REDIC1: variants seen among roughly 807,000 people sequenced by gnomAD.
REDIC1 encodes HEI10 Interacting Protein 1.
At chr12:39,722,744 A>T in the REDIC1 span, among the ~76,000 whole-genome samples, 2 of 152,286 alleles carry the variant, frequency 1.3e-5, no homozygotes, top group Admixed American at 1.3e-4. Flanking sequence ...AAAAAAATGC[A>T]GTGACCACTT....
the REDIC1 span, chr12:39,646,501 C>T: frequency 2.0e-6 from 3 of 1,506,474 alleles, no homozygotes; most frequent in Non-Finnish European, 2.7e-6. Context: ...GGTGTTTAAA[C>T]TGGTTATTAA....
chr12:39,637,181 A>C, the REDIC1 span, among the ~76,000 whole-genome samples: 3 of 151,786 alleles, frequency 2.0e-5, no homozygotes, highest in African/African-American at 7.3e-5. Flanking sequence ...ACAAATATTT[A>C]TATTACTACT....
At chr12:39,829,830 G>T in the REDIC1 span, 1 of 399,828 alleles carries the variant, frequency 2.5e-6, no homozygotes, top group Non-Finnish European at 4.6e-6. Flanking sequence ...GGCAGTATTT[G>T]TGAATAGCTG....
At chr12:39,647,926 A>G in the REDIC1 span, 3 of 1,605,342 alleles carry the variant, frequency 1.9e-6, no homozygotes, top group Non-Finnish European at 1.7e-6. Flanking sequence ...TCACATCTGG[A>G]ATAGCACCTA....
chr12:39,719,428 C>A, the REDIC1 span, among the ~76,000 whole-genome samples: 1 of 151,974 alleles, frequency 6.6e-6, no homozygotes, highest in Non-Finnish European at 1.5e-5. Flanking sequence ...GAGTTCGTGA[C>A]CAGCCTGGAC....
chr12:39,644,846 A>T, the REDIC1 span, among the ~76,000 whole-genome samples: 28 of 152,052 alleles, frequency 1.8e-4, no homozygotes, highest in Non-Finnish European at 3.8e-4. Flanking sequence ...AAACATACAG[A>T]TTTATTTAGT....
chr12:39,713,286 GTATA>G, the REDIC1 span, among the ~76,000 whole-genome samples: 1 of 27,074 alleles, frequency 3.7e-5, no homozygotes, highest in African/African-American at 6.6e-5. Flanking sequence ...ACACATACGT[GTATA>G]TATGTGTACA....
the REDIC1 span, among the ~76,000 whole-genome samples, chr12:39,653,741 G>C: frequency 6.6e-6 from 1 of 151,770 alleles, no homozygotes; most frequent in Admixed American, 6.6e-5. Flanking sequence ...TGTGCCTATT[G>C]TTCTCAGTTT....
chr12:39,633,527 A>G, the REDIC1 span, among the ~76,000 whole-genome samples: 1 of 152,242 alleles, frequency 6.6e-6, no homozygotes, highest in Non-Finnish European at 1.5e-5. Context: ...AAGTATAGTA[A>G]TAATAAATAC....
chr12:39,882,324 G>T, the REDIC1 span, among the ~76,000 whole-genome samples: 1 of 152,036 alleles, frequency 6.6e-6, no homozygotes, highest in East Asian at 1.9e-4. Context: ...AAATTTTCAG[G>T]TGATGCTGAT....
At chr12:39,767,830 C>T in the REDIC1 span, among the ~76,000 whole-genome samples, 1 of 151,958 alleles carries the variant, frequency 6.6e-6, no homozygotes, top group African/African-American at 2.4e-5. Context: ...TGGGCTTTTC[C>T]CCTTTTTACT....
At chr12:39,747,326 G>A in the REDIC1 span, among the ~76,000 whole-genome samples, 5 of 152,222 alleles carry the variant, frequency 3.3e-5, no homozygotes, top group Non-Finnish European at 2.9e-5. Context: ...AAGGGTATCA[G>A]TGATTGAAGA....
chr12:39,769,915 A>C, the REDIC1 span, among the ~76,000 whole-genome samples: 1 of 152,096 alleles, frequency 6.6e-6, no homozygotes, highest in Non-Finnish European at 1.5e-5. Flanking sequence ...ATGTGTTCAA[A>C]CAAAAGTCAT....
At chr12:39,725,778 A>C in the REDIC1 span, among the ~76,000 whole-genome samples, 3 of 151,726 alleles carry the variant, frequency 2.0e-5, no homozygotes, top group Non-Finnish European at 2.9e-5. Context: ...ATAATTATAT[A>C]ATTGATATCT....
chr12:39,682,756 T>A, the REDIC1 span: 1 of 1,613,344 alleles, frequency 6.2e-7, no homozygotes, highest in Non-Finnish European at 8.5e-7. Context: ...AAAGGAAGTT[T>A]CAAATTTTCT....
chr12:39,632,987 C>T, the REDIC1 span, among the ~76,000 whole-genome samples: 51 of 152,092 alleles, frequency 3.4e-4, no homozygotes, highest in Non-Finnish European at 6.8e-4. Flanking sequence ...ACTTAGGCTA[C>T]ACTAAATTTA....
chr12:39,897,104 C>T, the REDIC1 span, among the ~76,000 whole-genome samples: 5 of 152,226 alleles, frequency 3.3e-5, no homozygotes, highest in East Asian at 7.7e-4. Context: ...ATAGTTCTTT[C>T]TTTATCATTG....
At chr12:39,848,261 A>G in the REDIC1 span, among the ~76,000 whole-genome samples, 1 of 152,326 alleles carries the variant, frequency 6.6e-6, no homozygotes, top group African/African-American at 2.4e-5. Context: ...ATGTGAAAAA[A>G]CATTTACAAA....
At chr12:39,876,448 C>T in the REDIC1 span, among the ~76,000 whole-genome samples, 1 of 152,240 alleles carries the variant, frequency 6.6e-6, no homozygotes, top group Middle Eastern at 3.4e-3. Flanking sequence ...CTATTACTTG[C>T]ATTATAGAAT....
Sources: gnomAD v4.1 joint callset for allele counts (sites outside exome capture counted in the v4.1 genomes callset) on GRCh38, gnomAD v4.1.1 for gene constraint, MANE v1.5 for transcripts, NCBI Gene and HGNC (gene_info 2026-07-23, HGNC 2026-07-21) for gene names.